Variants in CACNA1C observed in about 807,000 individuals in gnomAD.
CACNA1C encodes the protein voltage-dependent L-type calcium channel subunit alpha-1C.
In CACNA1C, 30 loss-of-function variants were observed where a neutral mutation model predicts 229.0. That is an observed-to-expected ratio of 0.13 (90% CI 0.10 to 0.18). CACNA1C has a LOEUF of 0.18. CACNA1C is among the 10% of genes least tolerant of loss of function. The pLI is 1.00. For missense variants in CACNA1C, 1,658 were observed against 2,845.0 expected (o/e 0.58, Z 9.49); for synonymous variants, 1,114 against 1,132.5 (o/e 0.98, Z 0.33).
chr12:2,552,249 G>A (rs2041698812), intron 10 of CACNA1C, among the ~76,000 whole-genome samples: 1 of 152,238 alleles, frequency 6.6e-6, no homozygotes, highest in South Asian at 2.1e-4. Flanking sequence ...ACAACAGGGA[G>A]GAAATTGACA....
chr12:2,356,953 A>C (rs904399288), intron 3 of CACNA1C, among the ~76,000 whole-genome samples: 3 of 152,222 alleles, frequency 2.0e-5, no homozygotes, highest in African/African-American at 7.2e-5. Context: ...TGGCCGTTCT[A>C]GAGTGCTGCA....
chr12:2,685,304 T>C lies in CACNA1C; in HGVS notation c.5574-432T>C, dbSNP rs539354135. Among the ~76,000 whole-genome samples, 12 of 149,846 alleles carry C rather than the reference T, an allele frequency of 8.0e-5. No individual in the cohort carries two copies. The South Asian group carries it at 2.6e-3, about 33-fold the overall frequency. ...TTATGTGCTCTTGCTGATGAGGGGG[T>C]GGCAGGGCGGGAGAAATCGGGGGAC... On this transcript the variant is annotated intron_variant, in intron 43 of 46. Transcript: ENST00000399655.
intron 7 of CACNA1C, among the ~76,000 whole-genome samples, chr12:2,501,138 G>A (rs1431454831): frequency 6.8e-6 from 1 of 147,568 alleles, no homozygotes; most frequent in African/African-American, 2.5e-5. Context: ...GAACCCAGGA[G>A]GTGGAGCTTG....
intron 3 of CACNA1C, among the ~76,000 whole-genome samples, chr12:2,384,610 C>T (rs2098335479): frequency 6.6e-6 from 1 of 152,152 alleles, no homozygotes. Context: ...GGTAGACAAC[C>T]CTGCACTTTT....
At chr12:2,588,986 G>A (rs1032655473) in intron 18 of CACNA1C, among the ~76,000 whole-genome samples, 1 of 152,148 alleles carries the variant, frequency 6.6e-6, no homozygotes, top group East Asian at 1.9e-4. Context: ...GGAGTCTGGG[G>A]GCTTCATGCA....
intron 30 of CACNA1C, among the ~76,000 whole-genome samples, chr12:2,644,882 A>C (rs990616223): frequency 2.0e-5 from 3 of 152,224 alleles, no homozygotes; most frequent in Admixed American, 6.5e-5. Context: ...GGCAATCTGC[A>C]TAAGCATATT....
At chr12:2,230,463 A>T (rs2064687250) in intron 3 of CACNA1C, among the ~76,000 whole-genome samples, 1 of 152,176 alleles carries the variant, frequency 6.6e-6, no homozygotes, top group Non-Finnish European at 1.5e-5. Flanking sequence ...CCTCAGGAAG[A>T]GACTGAGAAC....
chr12:2,564,143 G>GACACAC (rs1253163195), intron 11 of CACNA1C, among the ~76,000 whole-genome samples: 115 of 152,230 alleles, frequency 7.6e-4, no homozygotes, highest in African/African-American at 2.7e-3. Context: ...GCCACACACA[G>GACACAC]ACACACACAC....
intron 3 of CACNA1C, among the ~76,000 whole-genome samples, chr12:2,321,117 C>G (rs2095970877): frequency 6.6e-6 from 1 of 152,188 alleles, no homozygotes; most frequent in Non-Finnish European, 1.5e-5. Context: ...AGGCTGTCTG[C>G]TTGGGCTCAG....
chr12:2,379,700 T>C (rs2098178412), intron 3 of CACNA1C, among the ~76,000 whole-genome samples: 1 of 152,112 alleles, frequency 6.6e-6, no homozygotes, highest in African/African-American at 2.4e-5. Context: ...CCTTCACCCA[T>C]TACAGAGAGC....
At chr12:2,457,738 A>G (rs2099445682) in intron 5 of CACNA1C, 32 bp downstream of exon 5, 1 of 1,516,188 alleles carries the variant, frequency 6.6e-7, no homozygotes, top group Non-Finnish European at 8.8e-7. Context: ...GTACAGTGTT[A>G]TCTCCTCACC....
chr12:2,320,876 C>T (rs535228951), intron 3 of CACNA1C, among the ~76,000 whole-genome samples: 3 of 152,168 alleles, frequency 2.0e-5, no homozygotes, highest in Non-Finnish European at 2.9e-5. Context: ...CCCTCATTCC[C>T]TGCACCTATG....
intron 9 of CACNA1C, among the ~76,000 whole-genome samples, chr12:2,515,161 A>G (rs1260582228): frequency 1.3e-5 from 2 of 152,168 alleles, no homozygotes; most frequent in Admixed American, 6.5e-5. Context: ...AATTAGTGGG[A>G]CAGTTCCAGG....
intron 18 of CACNA1C, 133 bp from the exon 19 acceptor site, chr12:2,593,080 G>C: frequency 1.0e-6 from 1 of 968,396 alleles, no homozygotes; most frequent in South Asian, 1.8e-5. Context: ...CAGGGAGACA[G>C]CAGAATGTCT....
upstream of CACNA1C, among the ~76,000 whole-genome samples, chr12:2,050,233 G>A (rs2154499138): frequency 6.6e-6 from 1 of 152,286 alleles, no homozygotes; most frequent in Non-Finnish European, 1.5e-5. Flanking sequence ...TAAGATAATA[G>A]TAGAGACTGA....
intron 3 of CACNA1C, among the ~76,000 whole-genome samples, chr12:2,372,562 C>T (rs1377984766): frequency 6.6e-6 from 1 of 152,114 alleles, no homozygotes; most frequent in African/African-American, 2.4e-5. Context: ...CCACCTAATC[C>T]TGCCTGCCTG....
At chr12:2,533,233 T>G (rs2154584725) in intron 9 of CACNA1C, among the ~76,000 whole-genome samples, 1 of 152,270 alleles carries the variant, frequency 6.6e-6, no homozygotes, top group East Asian at 1.9e-4. Flanking sequence ...GTGCTTGGCT[T>G]AGAGCTGCCC....
intron 3 of CACNA1C, among the ~76,000 whole-genome samples, chr12:2,263,983 A>G (rs907716299): frequency 6.6e-6 from 1 of 152,174 alleles, no homozygotes; most frequent in Non-Finnish European, 1.5e-5. Context: ...AAATGCATAA[A>G]GGAAAGGAAA....
chr12:2,312,898 T>G (rs2095509366), intron 3 of CACNA1C, among the ~76,000 whole-genome samples: 4 of 152,186 alleles, frequency 2.6e-5, no homozygotes, highest in Admixed American at 2.6e-4. Flanking sequence ...ACTCAGAAAT[T>G]TACTAGAAAT....
Sources: allele counts gnomAD v4.1 joint callset (sites outside exome capture counted in the v4.1 genomes callset), GRCh38; gene constraint gnomAD v4.1.1; transcripts MANE v1.5; gene names NCBI Gene and HGNC (gene_info 2026-07-23, HGNC 2026-07-21).